The following MAGIX variants were observed in gnomAD, a reference collection of about 807,000 sequenced individuals.
The protein encoded by MAGIX is MAGI family member, X-linked, also known as PDZ domain-containing protein MAGIX.
In MAGIX, 13 loss-of-function variants were observed where a neutral mutation model predicts 10.0. That is an observed-to-expected ratio of 1.30 (90% CI 0.84 to 2.06). The LOEUF is 2.06. MAGIX is among the 30% of genes most tolerant of loss of function. The pLI is 0.00. For missense variants in MAGIX, 235 were observed against 245.2 expected, an observed-to-expected ratio of 0.96 and a Z score of 0.28; for synonymous variants, 108 against 106.8, an observed-to-expected ratio of 1.01 and a Z score of -0.07.
chrX:49,166,501 T>G, exon 5 of MAGIX: 2 of 703,329 alleles, frequency 2.8e-6, no homozygotes, highest in Non-Finnish European at 4.1e-6. Flanking sequence ...TTCCACTTGG[T>G]TTGGTCCCCC....
At chrX:49,166,441 C>A in exon 5 of MAGIX, 1 of 1,056,480 alleles carries the variant, frequency 9.5e-7, no homozygotes. Flanking sequence ...TACCGCCCAA[C>A]CTGGATCCGG....
intron 4 of MAGIX, 121 bp downstream of exon 5, chrX:49,165,482 G>A: frequency 1.5e-6 from 1 of 672,091 alleles, no homozygotes; most frequent in South Asian, 3.0e-5. Flanking sequence ...GGGTCTGCAA[G>A]AGGTCATGGT....
At chrX:49,164,908 G>A in exon 3 of MAGIX, 1 of 1,212,105 alleles carries the variant, frequency 8.3e-7, no homozygotes, top group Non-Finnish European at 1.1e-6. Flanking sequence ...ATTGATCCAG[G>A]GTAAGGCACG....
At chrX:49,163,254 A>G in intron 1 of MAGIX, 4 of 137,485 alleles carry the variant, frequency 2.9e-5, no homozygotes, top group Non-Finnish European at 5.4e-5. Flanking sequence ...GGTCTTAGTG[A>G]ACTGGGGGGA....
intron 1 of MAGIX, chrX:49,163,258 G>A (rs1397371610): frequency 9.1e-5 from 17 of 187,296 alleles, no homozygotes; most frequent in Non-Finnish European, 2.9e-5. Flanking sequence ...TTAGTGAACT[G>A]GGGGGAGGGG....
At chrX:49,165,045 C>T (rs370855118) in exon 3 of MAGIX, 446 of 1,208,287 alleles carry the variant, frequency 3.7e-4, no homozygotes, top group Non-Finnish European at 4.8e-4. Context: ...TGGCCGTGCG[C>T]GGGCTGCTGA....
At chrX:49,164,432 G>T (rs1464083260) in intron 2 of MAGIX, 2 of 426,736 alleles carry the variant, frequency 4.7e-6, no homozygotes, top group Non-Finnish European at 8.2e-6. Context: ...TGTTCTGCGT[G>T]TTATTAGAGG....
intron 1 of MAGIX, chrX:49,163,549 C>A: frequency 3.8e-6 from 1 of 262,542 alleles, no homozygotes; most frequent in South Asian, 1.8e-4. Flanking sequence ...AGGACTATTG[C>A]AGTCAAACAG....
exon 5 of MAGIX, chrX:49,168,305 C>T (rs1361766221): frequency 4.6e-5 from 5 of 108,123 alleles, no homozygotes; most frequent in African/African-American, 1.7e-4. Context: ...CCCGTCTCTA[C>T]TGAAAATACA....
At chrX:49,165,318 C>T (rs1448819716) in exon 4 of MAGIX, 2 of 1,181,102 alleles carry the variant, frequency 1.7e-6, no homozygotes, top group Non-Finnish European at 2.3e-6. Context: ...TGGAGACCCA[C>T]CCTGGCAAGC....
chrX:49,164,704 C>A lies in MAGIX; in HGVS notation c.-54-3C>A. ...AGCCCTCTCCACTGCTTTTATCTCC[C>A]AGCTGTTAGCGTGCTGGACTCTGCG... On this transcript the variant is annotated splice_region_variant and splice_polypyrimidine_tract_variant and intron_variant, in intron 2 of 4. Transcript: ENST00000616266. 1 of 1,209,218 alleles carries A rather than the reference C, an allele frequency of 8.3e-7. No individual in the cohort carries two copies. Among genetic ancestry groups the A allele is most frequent in the Non-Finnish European group, 1.1e-6 (1 of 893,064 alleles).
exon 5 of MAGIX, chrX:49,166,221 C>T (rs2065366143): frequency 8.3e-7 from 1 of 1,206,575 alleles, no homozygotes; most frequent in African/African-American, 1.7e-5. Flanking sequence ...CCAGAGGCGG[C>T]CGCCGATGGC....
At chrX:49,164,839 G>A in exon 3 of MAGIX, 4 of 1,210,307 alleles carry the variant, frequency 3.3e-6, no homozygotes, top group Non-Finnish European at 4.5e-6. Flanking sequence ...GGCAAACTAT[G>A]TACACCTGTG....
intron 2 of MAGIX, chrX:49,164,151 A>T (rs1390087444): frequency 3.3e-6 from 1 of 300,776 alleles, no homozygotes; most frequent in African/African-American, 2.8e-5. Context: ...AGATTAGATG[A>T]GAGTGCGGAA....
chrX:49,162,904 A>G, intron 1 of MAGIX: 1 of 892,402 alleles, frequency 1.1e-6, no homozygotes. Flanking sequence ...AGCCGCGCAC[A>G]GGGGACGCCG....
At chrX:49,165,796 G>A in intron 4 of MAGIX, 1 of 363,656 alleles carries the variant, frequency 2.7e-6, no homozygotes, top group East Asian at 4.4e-5. Context: ...TGGGATGAGA[G>A]AGGAGAGAGC....
chrX:49,162,699 A>G (rs781879254), exon 1 of MAGIX: 88 of 309,125 alleles, frequency 2.8e-4, no homozygotes, highest in African/African-American at 2.2e-3. Flanking sequence ...AGTGAGGCCA[A>G]GCACTCCTCC....
chrX:49,164,214 T>G, intron 2 of MAGIX: 1 of 267,133 alleles, frequency 3.7e-6, no homozygotes, highest in Non-Finnish European at 6.6e-6. Context: ...GCCTGGAGAG[T>G]GCTTGGGGGG....
chrX:49,167,283 G>A (rs929339747), exon 5 of MAGIX: 6 of 114,369 alleles, frequency 5.2e-5, no homozygotes, highest in Admixed American at 9.2e-5. Flanking sequence ...GGGCGTTCCC[G>A]GCACGGGAGA....
Sources: gnomAD v4.1 joint callset for allele counts on GRCh38, gnomAD v4.1.1 for gene constraint, MANE v1.5 for transcripts, NCBI Gene and HGNC (gene_info 2026-07-23, HGNC 2026-07-21) for gene names.